RB1: variants seen among roughly 807,000 people sequenced by gnomAD.
The protein encoded by RB1 is RB transcriptional corepressor 1.
In RB1, 18 loss-of-function variants were observed where a neutral mutation model predicts 135.4. The ratio of observed to expected loss-of-function variants is 0.13; its 90% CI spans 0.09 to 0.20. The LOEUF is 0.20. RB1 is among the 10% of genes least tolerant of loss of function. The pLI, the probability that RB1 is intolerant of heterozygous loss-of-function variation, is 1.00. For synonymous variants in RB1, 365 were observed against 373.2 expected, an observed-to-expected ratio of 0.98 and a Z score of 0.25; for missense variants, 868 against 1,110.0, an observed-to-expected ratio of 0.78 and a Z score of 3.10.
chr13:48,353,324 C>T (rs533260012), intron 6 of RB1, among the ~76,000 whole-genome samples: 2 of 151,992 alleles, frequency 1.3e-5, no homozygotes, highest in African/African-American at 2.4e-5. Flanking sequence ...CAACTATATG[C>T]CAATAAACTG....
intron 17 of RB1, 146 bp from the exon 18 acceptor site, chr13:48,452,847 A>C (rs1374376333): frequency 8.0e-7 from 1 of 1,242,404 alleles, no homozygotes; most frequent in East Asian, 2.5e-5. Flanking sequence ...AAGTAGAGAA[A>C]AATATTTCAT....
intron 8 of RB1, 126 bp from the exon 9 acceptor site, chr13:48,364,768 G>A: frequency 9.0e-7 from 1 of 1,108,554 alleles, no homozygotes; most frequent in Non-Finnish European, 1.2e-6. Context: ...AAATAAAAAA[G>A]TTATACACAG....
intron 2 of RB1, among the ~76,000 whole-genome samples, chr13:48,324,522 G>A (rs756799824): frequency 1.7e-4 from 25 of 151,410 alleles, no homozygotes; most frequent in Non-Finnish European, 3.5e-4. Flanking sequence ...GATGTTCTCT[G>A]GTTCCAAATG....
chr13:48,351,608 T>A (rs1952548356), intron 6 of RB1, among the ~76,000 whole-genome samples: 1 of 152,140 alleles, frequency 6.6e-6, no homozygotes, highest in Non-Finnish European at 1.5e-5. Context: ...ACTTGTCAAT[T>A]TTTGATTTTG....
In RB1 at chr13:48,303,926, C is replaced by T. The variant is rs1265159988; in HGVS notation, c.14C>T (p.Thr5Ile). MPPK[T>I]PRKTAATAAA... ...CGGAAAGGCGTCATGCCGCCCAAAA[C>T]CCCCCGAAAAACGGCCGCCACCGCC... Residue 5 changes from threonine to isoleucine, a missense_variant, in exon 1 of 27, where the codon ACC becomes ATC. Coordinates refer to ENST00000267163, the MANE Select transcript of RB1 (RefSeq NM_000321.3). 3.3e-6 allele frequency: 5 copies of T among 1,511,882 alleles called. No homozygotes were observed. Among genetic ancestry groups the T allele is most frequent in the East Asian group, 2.6e-5 (1 of 37,776 alleles). The allele number at this position is 1,511,882 out of a possible 1,614,324, so 93.7% of individuals were successfully genotyped here.
intron 2 of RB1, chr13:48,317,593 C>A: frequency 2.3e-6 from 1 of 442,230 alleles, no homozygotes; most frequent in South Asian, 2.3e-5. Context: ...CTCGGCCCCT[C>A]GTGAGCGCTG....
chr13:48,318,153 G>A (rs1952202181), intron 2 of RB1: 4 of 519,602 alleles, frequency 7.7e-6, no homozygotes, highest in South Asian at 6.7e-5. Flanking sequence ...CTCCTGCTTC[G>A]TCTTCTCTGC....
chr13:48,349,309 A>C (rs1952525704), intron 6 of RB1, among the ~76,000 whole-genome samples: 1 of 151,874 alleles, frequency 6.6e-6, no homozygotes, highest in Non-Finnish European at 1.5e-5. Flanking sequence ...ATGATAAATA[A>C]TTCAAATAAA....
intron 2 of RB1, among the ~76,000 whole-genome samples, chr13:48,324,750 T>C (rs934754013): frequency 1.3e-5 from 2 of 152,188 alleles, no homozygotes; most frequent in Admixed American, 6.5e-5. Context: ...CTGTATCATA[T>C]GGTAGTTTTA....
At chr13:48,417,846 C>T (rs1008310264) in intron 17 of RB1, among the ~76,000 whole-genome samples, 9 of 152,198 alleles carry the variant, frequency 5.9e-5, no homozygotes, top group South Asian at 2.1e-4. Context: ...TGAAAAGAAA[C>T]GAACAAAGCC....
At position 48,353,840 on chromosome 13, in the gene RB1, A is replaced by G. The variant is rs148769923; in HGVS notation, c.607+4817A>G. ...ATCAACAGAATGAAGGACAAAAATC[A>G]TATGATCATTTAAATTGATGCTGAA... On this transcript the variant is annotated intron_variant, in intron 6 of 26. Transcript: ENST00000267163. Among the ~76,000 whole-genome samples, 72 of 152,300 alleles carry G rather than the reference A, an allele frequency of 4.7e-4. 1 individual carries two copies. Among genetic ancestry groups the G allele is most frequent in the Middle Eastern group, 3.4e-3 (1 of 294 alleles).
intron 4 of RB1, among the ~76,000 whole-genome samples, chr13:48,347,391 A>G (rs1952507838): frequency 6.6e-6 from 1 of 152,122 alleles, no homozygotes; most frequent in African/African-American, 2.4e-5. Context: ...TCAGATTGGT[A>G]GTAATCTTGG....
intron 11 of RB1, among the ~76,000 whole-genome samples, chr13:48,369,095 C>G (rs1952733031): frequency 6.6e-6 from 1 of 152,006 alleles, no homozygotes; most frequent in South Asian, 2.1e-4. Flanking sequence ...TTTGTCTGTT[C>G]TTAAAGAACA....
intron 2 of RB1, chr13:48,327,937 T>G (rs537991316): frequency 4.4e-6 from 2 of 451,094 alleles, no homozygotes; most frequent in East Asian, 7.2e-5. Context: ...AAACTCTCAT[T>G]TATTGGTGTA....
rs553094345 is a variant in RB1 at position 48,464,958 on chromosome 13, CTTTTTTTTTTTTT to C, written c.2212-28_2212-16del. ...AAATTCATTTAACAAGTAAATTTTA[CTTTTTTTTTTTTT>C]TTTTTTTTTTTACTGTTCTTCCTCA... On this transcript the variant is annotated intron_variant, in intron 21 of 26. Transcript: ENST00000267163. 7.2e-5 allele frequency: 60 copies of C among 832,632 alleles called. No individual in the cohort carries two copies. In the African/African-American group the frequency reaches 1.1e-3, roughly 15 times the overall value. 51.6% of individuals were successfully genotyped at this position (832,632 alleles called of 1,614,324 possible).
rs182056728 is a variant in RB1 at position 48,362,396 on chromosome 13, T to G, written c.719-419T>G. ...TTATACCTATCTTTTAAAGACATCA[T>G]AATTTACTAAAACTTAAAATATTGT... On this transcript the variant is annotated intron_variant, in intron 7 of 26. Transcript: ENST00000267163. Among the ~76,000 whole-genome samples, 11 of 152,156 alleles carry G rather than the reference T, an allele frequency of 7.2e-5. No homozygotes were observed. In the East Asian group the frequency reaches 2.1e-3, roughly 29 times the overall value.
intron 5 of RB1, among the ~76,000 whole-genome samples, chr13:48,348,225 A>T (rs1470182202): frequency 6.6e-6 from 1 of 151,934 alleles, no homozygotes; most frequent in Non-Finnish European, 1.5e-5. Flanking sequence ...AAATGTAAAA[A>T]TCTGTATTAA....
In RB1 at chr13:48,319,894, C is replaced by T; in HGVS notation, c.264+12488C>T. On this transcript the variant is annotated intron_variant, in intron 2 of 26. Coordinates refer to ENST00000267163, the MANE Select transcript of RB1 (RefSeq NM_000321.3). This position sits in a 1 kb window ranked among gnomAD's most constrained non-coding sequence, Gnocchi z 5.0. ...GTCCTCACTGGATCTCACCTGGCTGCCAGGGCCACCACCTGAGCCAGGTAC... is the reference window on the plus strand; with the variant it reads ...GTCCTCACTGGATCTCACCTGGCTGTCAGGGCCACCACCTGAGCCAGGTAC... The T allele has an allele frequency of 3.0e-6, 1 of 332,810 alleles. No individual in the cohort carries two copies. Among genetic ancestry groups the T allele is most frequent in the Admixed American group, 3.5e-5 (1 of 28,416 alleles). The allele number at this position is 332,810 out of a possible 1,614,324, so 20.6% of individuals were successfully genotyped here.
chr13:48,399,987 G>C (rs1296970197), intron 17 of RB1, among the ~76,000 whole-genome samples: 1 of 151,976 alleles, frequency 6.6e-6, no homozygotes, highest in East Asian at 1.9e-4. Context: ...CATTCTCTTT[G>C]TTCATTAATT....
Sources: gnomAD v4.1 joint callset for allele counts (sites outside exome capture counted in the v4.1 genomes callset) on GRCh38, gnomAD v4.1.1 for gene constraint, Gnocchi (gnomAD v3.1) non-coding constraint, MANE v1.5 for transcripts, NCBI Gene and HGNC (gene_info 2026-07-23, HGNC 2026-07-21) for gene names.